Variants in SLC5A2 observed in about 807,000 individuals in gnomAD.
SLC5A2 encodes the protein solute carrier family 5 member 2.
SLC5A2 carries 67 observed loss-of-function variants against 69.0 expected under a neutral mutation model. The ratio of observed to expected loss-of-function variants is 0.97; its 90% CI spans 0.80 to 1.19. The LOEUF is 1.19. Among genes scored for constraint, SLC5A2 ranks in the 50% most tolerant of loss-of-function variants. The pLI is 0.00. For missense variants in SLC5A2, 1,001 were observed against 921.5 expected (o/e 1.09, Z -1.12); for synonymous variants, 455 against 395.8 (o/e 1.15, Z -1.78).
intron 5 of SLC5A2, 25 bp downstream of exon 5, chr16:31,486,300 G>A: frequency 1.9e-6 from 3 of 1,563,072 alleles, no homozygotes; most frequent in Non-Finnish European, 2.6e-6. Flanking sequence ...TTAGGAAAGG[G>A]AGTGGGCCTG....
In SLC5A2 at chr16:31,489,297, C is replaced by A; in HGVS notation, c.1624C>A (p.Leu542Ile). The change falls in exon 12 of 14, where the codon CTC (leucine) becomes ATC (isoleucine). Residue 542 changes from leucine (L) to isoleucine (I), a missense_variant. By Grantham distance (5) the Leu-to-Ile change is conservative. Transcript: ENST00000330498. ...GTTCTTCTGCTCTGGCCTCCTCACC[C>A]TCACGGTCTCCCTGTGCACCGCGCC... ...VLFFCSGLLT[L>I]TVSLCTAPIP... The A allele has an allele frequency of 1.2e-6, 2 of 1,610,500 alleles. No individual in the cohort carries two copies. The highest frequency in any genetic ancestry group is 1.7e-6 in the Non-Finnish European group (2 of 1,180,012).
Position 31,484,227 on chromosome 16 carries a change from TACAC to T in SLC5A2, c.127-419_127-416del, listed in dbSNP as rs537221545. Among the ~76,000 whole-genome samples, 466 of 139,750 alleles carry T rather than the reference TACAC, an allele frequency of 3.3e-3. 3 individuals are homozygous for T. The highest frequency in any genetic ancestry group is 9.7e-3 in the African/African-American group (355 of 36,490). The allele number at this position is 139,750 out of a possible 152,430, so 91.7% of individuals were successfully genotyped here. A position where few individuals can be genotyped will look rare whatever the true frequency, so the allele number is the denominator to read the frequency against. On this transcript the variant is annotated intron_variant, in intron 1 of 13. Transcript: ENST00000330498. ...TGGTGAAACCCTGTCTCTACTAAAA[TACAC>T]ACACACACACACACACACACACACA...
rs879233464 is a variant in SLC5A2 at position 31,489,582 on chromosome 16, G to A, written c.1665+244G>A. 13 of 590,858 alleles carry A rather than the reference G, an allele frequency of 2.2e-5. No individual in the cohort carries two copies. In the South Asian group the frequency reaches 2.6e-4, roughly 12 times the overall value. The allele number at this position is 590,858 out of a possible 1,614,324, so 36.6% of individuals were successfully genotyped here. A position where few individuals can be genotyped will look rare whatever the true frequency, so the allele number is the denominator to read the frequency against. The stretch of plus-strand genomic sequence containing the variant: ...GCCTCCCAAAGCCAATCCTTGGCAT[G>A]GCCTTTGGGACTCAAAACACAGGAT... On this transcript the variant is annotated intron_variant, in intron 12 of 13. Coordinates refer to ENST00000330498, the MANE Select transcript of SLC5A2 (RefSeq NM_003041.4).
intron 1 of SLC5A2, 82 bp downstream of exon 1, chr16:31,483,344 A>G: frequency 6.4e-7 from 1 of 1,559,450 alleles, no homozygotes; most frequent in Non-Finnish European, 8.8e-7. Context: ...CCTAGGTGGG[A>G]GAATGATGCT....
intron 12 of SLC5A2, chr16:31,489,770 G>A (rs940701444): frequency 8.9e-6 from 4 of 449,052 alleles, no homozygotes; most frequent in Middle Eastern, 6.6e-4. Flanking sequence ...AGCAGCAGGA[G>A]GAAAGGGTGG....
In SLC5A2 at chr16:31,489,288, C is replaced by A. The variant is rs1277046003; in HGVS notation, c.1615C>A (p.Leu539Ile). 6.2e-7 allele frequency: 1 copy of A among 1,610,712 alleles called. No individual in the cohort carries two copies. Among genetic ancestry groups the A allele is most frequent in the Non-Finnish European group, 8.5e-7 (1 of 1,180,042 alleles). The change falls in exon 12 of 14, where the codon CTC becomes ATC. Residue 539 changes from leucine (L) to isoleucine (I), a missense_variant. Coordinates refer to ENST00000330498, the MANE Select transcript of SLC5A2 (RefSeq NM_003041.4). Reference protein sequence around the residue: ...FAIVLFFCSGLLTLTVSLCTA... With the variant: ...FAIVLFFCSGILTLTVSLCTA... ...CATTGTGCTGTTCTTCTGCTCTGGC[C>A]TCCTCACCCTCACGGTCTCCCTGTG...
chr16:31,490,185 C>T lies in SLC5A2; in HGVS notation c.1747C>T (p.Leu583Phe), dbSNP rs1472160761. ...TGCTGATGAGCAGCAAGGCTCCTCA[C>T]TCCCTGTACAGAATGGGTGCCCAGA... ...LDADEQQGSS[L>F]PVQNGCPESA... Residue 583 changes from leucine to phenylalanine, a missense_variant, in exon 13 of 14, where the codon CTC becomes TTC. Physicochemically the swap from Leu to Phe is conservative, Grantham distance 22. Transcript: ENST00000330498. 2 of 1,614,172 alleles carry T rather than the reference C, an allele frequency of 1.2e-6. No homozygotes were observed. The highest frequency in any genetic ancestry group is 1.3e-5 in the African/African-American group (1 of 75,058).
Position 31,488,747 on chromosome 16 carries a change from G to A in SLC5A2, c.1255G>A (p.Asp419Asn), listed in dbSNP as rs1032587663. The change falls in exon 10 of 14, where the codon GAC becomes AAC. Residue 419 changes from aspartate (D) to asparagine (N), a missense_variant. By Grantham distance (23) the Asp-to-Asn change is conservative. Transcript: ENST00000330498. ...IYTRLRPRAG[D>N]RELLLVGRLW... is the part of the protein sequence containing the mutation. ...CACGCGCCTGCGGCCACGCGCCGGC[G>A]ACCGCGAGCTGCTGCTGGTGGGACG... is the stretch of plus-strand genomic sequence containing the variant. The A allele has an allele frequency of 8.1e-6, 13 of 1,605,878 alleles. No homozygotes were observed. Among genetic ancestry groups the A allele is most frequent in the African/African-American group, 2.7e-5 (2 of 74,940 alleles).
rs889449556 is a variant in SLC5A2 at position 31,485,873 on chromosome 16, T to C, written c.448T>C (p.Tyr150His). The change falls in exon 4 of 14, where the codon TAC becomes CAC. Residue 150 changes from tyrosine to histidine, a missense_variant. Tyr to His is a moderately conservative substitution (Grantham distance 83). Coordinates refer to ENST00000330498, the MANE Select transcript of SLC5A2 (RefSeq NM_003041.4). ...CCTGTCTGTGCTCTCCCTTTTCCTG[T>C]ACATCTTCACCAAGATCTCAGTGAG... ...LYLSVLSLFL[Y>H]IFTKISVDMF... 2.5e-6 allele frequency: 4 copies of C among 1,613,514 alleles called. No homozygotes were observed. In the African/African-American group the frequency reaches 4.0e-5, roughly 16 times the overall value.
intron 1 of SLC5A2, among the ~76,000 whole-genome samples, chr16:31,483,650 T>C (rs1289002047): frequency 6.6e-6 from 1 of 152,152 alleles, no homozygotes; most frequent in Non-Finnish European, 1.5e-5. Context: ...CCCAGCACTT[T>C]GGGAGGCCAA....
chr16:31,489,548 G>C (rs189028330), intron 12 of SLC5A2: 221 of 616,894 alleles, frequency 3.6e-4, no homozygotes, highest in African/African-American at 3.2e-3. Flanking sequence ...TGATGGGTTG[G>C]TGATTAAAGC....
intron 6 of SLC5A2, 46 bp from the exon 7 acceptor site, chr16:31,487,484 G>T: frequency 2.5e-6 from 4 of 1,611,300 alleles, no homozygotes; most frequent in South Asian, 1.1e-5. Flanking sequence ...GCGCGTCTCC[G>T]GTCTGAGGGT....
Position 31,484,688 on chromosome 16 carries a change from A to G in SLC5A2, c.142A>G (p.Asn48Asp). The change falls in exon 2 of 14, where the codon AAC becomes GAC. Residue 48 changes from asparagine (N) to aspartate (D), a missense_variant. By Grantham distance (23) the Asn-to-Asp change is conservative. Transcript: ENST00000330498. ...GVGLWSMCRT[N>D]RGTVGGYFLA... ...TGTCTCCCAGTCCATGTGCAGAACC[A>G]ACAGAGGCACTGTGGGCGGCTACTT... The G allele has an allele frequency of 1.9e-6, 3 of 1,608,466 alleles. No individual in the cohort carries two copies. The highest frequency in any genetic ancestry group is 2.5e-6 in the Non-Finnish European group (3 of 1,179,994).
intron 1 of SLC5A2, 100 bp from the exon 2 acceptor site, chr16:31,484,570 CGTT>C: frequency 7.7e-7 from 1 of 1,305,204 alleles, no homozygotes; most frequent in South Asian, 1.2e-5. Flanking sequence ...AAACTTGGCT[CGTT>C]AATCTTCAGC....
At chr16:31,485,400 G>A (rs2082487165) in intron 3 of SLC5A2, 1 of 482,066 alleles carries the variant, frequency 2.1e-6, no homozygotes, top group Non-Finnish European at 3.8e-6. Context: ...GATCCTTGAG[G>A]GACACAAGGT....
chr16:31,484,484 T>C (rs1445590762), intron 1 of SLC5A2, among the ~76,000 whole-genome samples, 189 bp from the exon 2 acceptor site: 1 of 150,388 alleles, frequency 6.6e-6, no homozygotes, highest in East Asian at 1.9e-4. Flanking sequence ...ACTGGGGGAA[T>C]AGGACACTGG....
At chr16:31,487,947 A>C (rs2082512255) in intron 7 of SLC5A2, 91 bp from the exon 8 acceptor site, 28 of 1,574,148 alleles carry the variant, frequency 1.8e-5, no homozygotes, top group Non-Finnish European at 1.9e-5. Context: ...TGGGGCACTC[A>C]CGAGCCAGAG....
Position 31,488,874 on chromosome 16 carries a change from C to A in SLC5A2, c.1281-6C>A, listed in dbSNP as rs1596620782. On this transcript the variant is annotated splice_region_variant and splice_polypyrimidine_tract_variant and intron_variant, in intron 10 of 13. Transcript: ENST00000330498. Reference sequence around the variant, plus strand: ...TCCGGGTTCGATCCGACGGCCTCCGCCGCAGGCTCTGGGTGGTGTTCATCG... The same window carrying A: ...TCCGGGTTCGATCCGACGGCCTCCGACGCAGGCTCTGGGTGGTGTTCATCG... 1.9e-6 allele frequency: 3 copies of A among 1,604,740 alleles called. No homozygotes were observed. The highest frequency in any genetic ancestry group is 8.5e-7 in the Non-Finnish European group (1 of 1,179,822).
chr16:31,487,999 G>A (rs775175974), intron 7 of SLC5A2, 39 bp from the exon 8 acceptor site: 21 of 1,607,786 alleles, frequency 1.3e-5, no homozygotes, highest in Non-Finnish European at 1.4e-5. Context: ...GGGGCCGAGG[G>A]GAGGCCCGCA....
Sources: gnomAD v4.1 joint callset for allele counts (sites outside exome capture counted in the v4.1 genomes callset) on GRCh38, gnomAD v4.1.1 for gene constraint, MANE v1.5 for transcripts, NCBI Gene and HGNC (gene_info 2026-07-23, HGNC 2026-07-21) for gene names.